Variants in STX7 observed in about 807,000 individuals in gnomAD.
STX7 encodes the protein syntaxin-7.
STX7 carries 34 observed loss-of-function variants against 39.6 expected under a neutral mutation model. The observed-to-expected ratio is 0.86, with a 90% CI of 0.65 to 1.14. The LOEUF (loss-of-function observed/expected upper bound fraction) is 1.14, where lower values mean the gene tolerates loss of function less well. STX7 is among the 50% of genes most tolerant of loss of function. The probability of loss-of-function intolerance (pLI) is 0.00; values close to 1 mark genes in which losing one functional copy is unlikely to be tolerated. For missense variants in STX7, 284 were observed against 310.4 expected (o/e 0.92, Z 0.64); for synonymous variants, 119 against 99.1 (o/e 1.20, Z -1.19).
At chr6:132,463,575 G>A (rs1774475709) in intron 9 of STX7, among the ~76,000 whole-genome samples, 1 of 152,066 alleles carries the variant, frequency 6.6e-6, no homozygotes, top group Non-Finnish European at 1.5e-5. Context: ...ATCTCTCTAG[G>A]ACAAGGAAAT....
intron 8 of STX7, among the ~76,000 whole-genome samples, chr6:132,464,725 G>T (rs150046530): frequency 8.6e-4 from 131 of 152,276 alleles, no homozygotes; most frequent in African/African-American, 3.1e-3. Flanking sequence ...CGACTCAGTA[G>T]CAAGCATGTG....
At position 132,459,277 on chromosome 6, in the gene STX7, A is replaced by G. The variant is rs1774326479; in HGVS notation, c.*1481T>C. Reference sequence around the variant, plus strand: ...AGTTTTCTGTAATCCCTTTTGTGGAAAAAAATGGAGTTTTTCTGATATGCA... The same window carrying G: ...AGTTTTCTGTAATCCCTTTTGTGGAGAAAAATGGAGTTTTTCTGATATGCA... On this transcript the variant is annotated 3_prime_UTR_variant, in exon 10 of 10. Transcript: ENST00000367941. The G allele has an allele frequency of 6.6e-6, 1 of 152,200 alleles. No homozygotes were observed. Among genetic ancestry groups the G allele is most frequent in the Non-Finnish European group, 1.5e-5 (1 of 68,034 alleles). The allele number at this position is 152,200 out of a possible 1,614,324, so 9.4% of individuals were successfully genotyped here. A position where few individuals can be genotyped will look rare whatever the true frequency, so the allele number is the denominator to read the frequency against.
At position 132,459,299 on chromosome 6, in the gene STX7, T is replaced by C. The variant is rs545456815; in HGVS notation, c.*1459A>G. On this transcript the variant is annotated 3_prime_UTR_variant, in exon 10 of 10. Transcript: ENST00000367941. The stretch of plus-strand genomic sequence containing the variant: ...GGAAAAAAATGGAGTTTTTCTGATA[T>C]GCAAAGCAACTTCTACCAGTCTGAC... 5 of 152,344 alleles carry C rather than the reference T, an allele frequency of 3.3e-5. No homozygotes were observed. The South Asian group carries it at 6.2e-4, about 19-fold the overall frequency. The allele number at this position is 152,344 out of a possible 1,614,324, so 9.4% of individuals were successfully genotyped here.
intron 2 of STX7, among the ~76,000 whole-genome samples, chr6:132,489,942 C>CAAGT (rs1253312211): frequency 6.6e-6 from 1 of 152,174 alleles, no homozygotes; most frequent in Non-Finnish European, 1.5e-5. Context: ...AGTACAAAAA[C>CAAGT]AAGTCATCTA....
At chr6:132,484,180 A>G (rs900738382) in intron 2 of STX7, among the ~76,000 whole-genome samples, 6 of 152,226 alleles carry the variant, frequency 3.9e-5, no homozygotes, top group African/African-American at 1.4e-4. Flanking sequence ...TCACTTCCAC[A>G]GACGTGACTT....
At chr6:132,509,238 T>C (rs1037376153) in intron 1 of STX7, among the ~76,000 whole-genome samples, 1 of 152,030 alleles carries the variant, frequency 6.6e-6, no homozygotes, top group Non-Finnish European at 1.5e-5. Context: ...GACAGGCAGA[T>C]GACAAGGTCA....
rs913069320 is a variant in STX7, at chr6:132,452,923, A to C, written c.*7835T>G. The C allele has an allele frequency of 1.3e-5, 2 of 152,146 alleles. No homozygotes were observed. The highest frequency in any genetic ancestry group is 2.9e-5 in the Non-Finnish European group (2 of 67,974). The allele number at this position is 152,146 out of a possible 1,614,324, so 9.4% of individuals were successfully genotyped here. A position where few individuals can be genotyped will look rare whatever the true frequency, so the allele number is the denominator to read the frequency against. On this transcript the variant is annotated 3_prime_UTR_variant, in exon 10 of 10. Transcript: ENST00000367941. ...AAGACAAAGGAACTAAGTGGCTAAA[A>C]CAATTTTGAAAAAGAAAGTGGAATA... is the stretch of plus-strand genomic sequence containing the variant.
intron 8 of STX7, among the ~76,000 whole-genome samples, chr6:132,468,177 C>T (rs1774611919): frequency 6.6e-6 from 1 of 152,156 alleles, no homozygotes; most frequent in Admixed American, 6.5e-5. Flanking sequence ...TAAATTTGGG[C>T]TTCTGAAATA....
At chr6:132,487,293 CA>C (rs1775161232) in intron 2 of STX7, among the ~76,000 whole-genome samples, 1 of 152,050 alleles carries the variant, frequency 6.6e-6, no homozygotes, top group Non-Finnish European at 1.5e-5. Context: ...CTCTTAATTG[CA>C]GCCATAAAAA....
chr6:132,499,309 C>T (rs2842886), intron 2 of STX7, among the ~76,000 whole-genome samples: 9,650 of 152,206 alleles, frequency 0.063, 412 homozygotes, highest in Admixed American at 0.11. Context: ...GAATAATCCC[C>T]AATTTTAGTG....
At chr6:132,479,661 A>T (rs1294938805) in intron 2 of STX7, among the ~76,000 whole-genome samples, 5 of 152,214 alleles carry the variant, frequency 3.3e-5, no homozygotes. Context: ...AGCCACATAT[A>T]GACTCAACAA....
At position 132,506,044 on chromosome 6, in the gene STX7, C is replaced by T. The variant is rs918292516; in HGVS notation, c.-58-2456G>A. Among the ~76,000 whole-genome samples, 10 of 149,490 alleles carry T rather than the reference C, an allele frequency of 6.7e-5. No homozygotes were observed. The South Asian group carries it at 9.1e-4, about 14-fold the overall frequency. On this transcript the variant is annotated intron_variant, in intron 1 of 9. Transcript: ENST00000367941. The stretch of plus-strand genomic sequence containing the variant: ...GCTGGGAAAATTGGATCGCCCCATG[C>T]GGAAGAGTGAAACTGGACCCTTATC...
rs79929870 is a variant in STX7 at position 132,460,297 on chromosome 6, C to T, written c.*461G>A. On this transcript the variant is annotated 3_prime_UTR_variant, in exon 10 of 10. Coordinates refer to ENST00000367941, the MANE Select transcript of STX7 (RefSeq NM_003569.3). Reference sequence around the variant, plus strand: ...CAGAAAAATACAACCCATGTATAGACCTTAATTATTTTACATTATTGAGAA... The same window carrying T: ...CAGAAAAATACAACCCATGTATAGATCTTAATTATTTTACATTATTGAGAA... The T allele has an allele frequency of 1.3e-5, 2 of 152,504 alleles. No individual in the cohort carries two copies. Among genetic ancestry groups the T allele is most frequent in the African/African-American group, 4.8e-5 (2 of 41,426 alleles). 9.4% of individuals were successfully genotyped at this position (152,504 alleles called of 1,614,324 possible).
At chr6:132,486,010 A>G (rs1420342771) in intron 2 of STX7, among the ~76,000 whole-genome samples, 1 of 152,124 alleles carries the variant, frequency 6.6e-6, no homozygotes, top group Non-Finnish European at 1.5e-5. Context: ...TTTTATTTTG[A>G]TTGCTCATTG....
At position 132,469,999 on chromosome 6, in the gene STX7, A is replaced by G. The variant is rs931702045; in HGVS notation, c.489T>C (p.Asp163=). The G allele has an allele frequency of 5.0e-6, 8 of 1,599,538 alleles. No homozygotes were observed. Among genetic ancestry groups the G allele is most frequent in the Non-Finnish European group, 6.8e-6 (8 of 1,175,412 alleles). The part of the protein sequence containing the change: ...VQVQDEEITE[D]DLRLIHERES... ...CTCTCTCATGAATAAGACGGAGGTC[A>G]TCCTCTGTAATTTCTTCATCCTGCA... The change falls in exon 7 of 10, where the codon GAT becomes GAC. Residue 163 remains aspartate (D), a synonymous_variant. Coordinates refer to ENST00000367941, the MANE Select transcript of STX7 (RefSeq NM_003569.3).
Position 132,454,893 on chromosome 6 carries a change from A to T in STX7, c.*5865T>A, listed in dbSNP as rs1352680247. 1 of 152,196 alleles carries T rather than the reference A, an allele frequency of 6.6e-6. No homozygotes were observed. Among genetic ancestry groups the T allele is most frequent in the African/African-American group, 2.4e-5 (1 of 41,450 alleles). 9.4% of individuals were successfully genotyped at this position (152,196 alleles called of 1,614,324 possible). A position where few individuals can be genotyped will look rare whatever the true frequency, so the allele number is the denominator to read the frequency against. On this transcript the variant is annotated 3_prime_UTR_variant, in exon 10 of 10. Coordinates refer to ENST00000367941, the MANE Select transcript of STX7 (RefSeq NM_003569.3). ...TTTTGGTATATACCCACTGCAAAATAGTACTTAAATGTTAAAACTATGATA... is the reference window on the plus strand; with the variant it reads ...TTTTGGTATATACCCACTGCAAAATTGTACTTAAATGTTAAAACTATGATA...
intron 2 of STX7, among the ~76,000 whole-genome samples, chr6:132,498,200 TTGTTA>T (rs1471499671): frequency 6.6e-6 from 1 of 152,174 alleles, no homozygotes; most frequent in Non-Finnish European, 1.5e-5. Context: ...AAGTCATAGT[TTGTTA>T]TAACTATTTA....
chr6:132,470,691 A>G (rs1774691852), intron 5 of STX7, 65 bp from the exon 6 acceptor site: 3 of 1,142,090 alleles, frequency 2.6e-6, no homozygotes, highest in Non-Finnish European at 2.6e-6. Context: ...GAAAAAATAA[A>G]CACTCATATT....
At chr6:132,478,139 T>G (rs1176755059) in intron 2 of STX7, among the ~76,000 whole-genome samples, 1 of 151,962 alleles carries the variant, frequency 6.6e-6, no homozygotes, top group Non-Finnish European at 1.5e-5. Flanking sequence ...CGTGTATATC[T>G]ATATAACAAA....
Sources: allele counts gnomAD v4.1 joint callset (sites outside exome capture counted in the v4.1 genomes callset), GRCh38; gene constraint gnomAD v4.1.1; transcripts MANE v1.5; gene names NCBI Gene and HGNC (gene_info 2026-07-23, HGNC 2026-07-21).